The following GLIS3 variants were observed in gnomAD, a reference collection of about 807,000 sequenced individuals.
GLIS3 encodes GLIS family zinc finger 3, also known as zinc finger protein GLIS3.
In GLIS3, 53 loss-of-function variants were observed where a neutral mutation model predicts 78.6. The ratio of observed to expected loss-of-function variants is 0.67; its 90% CI spans 0.54 to 0.85. The LOEUF (loss-of-function observed/expected upper bound fraction) is 0.85. GLIS3 is among the 40% of genes least tolerant of loss of function. The pLI, the probability that GLIS3 is intolerant of heterozygous loss-of-function variation, is 0.00. For missense variants in GLIS3, 1,703 were observed against 1,231.1 expected (o/e 1.38, Z -5.74); for synonymous variants, 684 against 509.9 (o/e 1.34, Z -4.60).
intron 4 of GLIS3, among the ~76,000 whole-genome samples, chr9:3,978,345 A>G (rs902560078): frequency 6.6e-6 from 1 of 152,172 alleles, no homozygotes; most frequent in African/African-American, 2.4e-5. Flanking sequence ...AGAAACTATT[A>G]CTATATTGGT....
At chr9:4,185,468 G>GA (rs970036303) in intron 2 of GLIS3, among the ~76,000 whole-genome samples, 3 of 152,024 alleles carry the variant, frequency 2.0e-5, no homozygotes, top group African/African-American at 4.8e-5. Flanking sequence ...TTTGTAGGGA[G>GA]AAAAAAGTGG....
chr9:4,298,425 A>G (rs1467876637), intron 1 of GLIS3: 2 of 453,642 alleles, frequency 4.4e-6, no homozygotes, highest in Non-Finnish European at 8.9e-6. Flanking sequence ...GCCAGGGCCA[A>G]GATTTCCAGA....
chr9:3,888,924 A>G lies in GLIS3; in HGVS notation c.2129-9329T>C, dbSNP rs529739890. ...AACATCCTTGTTGCTGCTAGAAAAT[A>G]TATTTTGAGGAAGCATGTGACATCC... On this transcript the variant is annotated intron_variant, in intron 7 of 10. Coordinates refer to ENST00000381971, the MANE Select transcript of GLIS3 (RefSeq NM_001042413.2). 2.0e-5 allele frequency among the ~76,000 whole-genome samples: 3 copies of G among 152,310 alleles called. No homozygotes were observed. The South Asian group carries it at 6.2e-4, about 32-fold the overall frequency.
chr9:4,082,304 G>C (rs1828619527), intron 4 of GLIS3, among the ~76,000 whole-genome samples: 1 of 152,036 alleles, frequency 6.6e-6, no homozygotes, highest in African/African-American at 2.4e-5. Context: ...CCAAGATTCA[G>C]GCATAAAAAC....
At chr9:3,989,208 TGCCTATCAGAATA>T (rs1820016059) in intron 4 of GLIS3, among the ~76,000 whole-genome samples, 1 of 152,058 alleles carries the variant, frequency 6.6e-6, no homozygotes, top group African/African-American at 2.4e-5. Context: ...TATTACTACA[TGCCTATCAGAATA>T]GCTAAAAATT....
At chr9:3,843,846 GT>G (rs1818872394) in intron 9 of GLIS3, among the ~76,000 whole-genome samples, 1 of 152,180 alleles carries the variant, frequency 6.6e-6, no homozygotes, top group Non-Finnish European at 1.5e-5. Context: ...GTGAGATGAG[GT>G]TGGGTTTGGT....
chr9:4,105,578 T>C (rs1282726248), intron 4 of GLIS3, among the ~76,000 whole-genome samples: 1 of 152,208 alleles, frequency 6.6e-6, no homozygotes, highest in East Asian at 1.9e-4. Context: ...TACTCTTAAT[T>C]TTAAACTAAA....
chr9:4,482,905 T>C, the GLIS3 span, among the ~76,000 whole-genome samples: 3 of 152,074 alleles, frequency 2.0e-5, no homozygotes, highest in African/African-American at 7.2e-5. Context: ...ATTTGGATGG[T>C]GGAATTTGAA....
In GLIS3 at chr9:4,221,737, C is replaced by T. The variant is rs535429556; in HGVS notation, c.388+64301G>A. Among the ~76,000 whole-genome samples the T allele has an allele frequency of 5.3e-5, 8 of 152,284 alleles. 1 individual carries two copies. The highest frequency in any genetic ancestry group is 1.9e-4 in the African/African-American group (8 of 41,556). On this transcript the variant is annotated intron_variant, in intron 2 of 10. Coordinates refer to ENST00000381971, the MANE Select transcript of GLIS3 (RefSeq NM_001042413.2). ...CATATGGAAACACATTACAAAGGAG[C>T]AGAAATGGTGGAGAAAAGCACCGTG...
intron 4 of GLIS3, chr9:4,054,140 T>C (rs746747870): frequency 1.5e-4 from 24 of 156,142 alleles, no homozygotes; most frequent in Non-Finnish European, 2.1e-4. Context: ...CACAATAGCT[T>C]GGAGAGGTTA....
intron 4 of GLIS3, among the ~76,000 whole-genome samples, chr9:4,049,408 G>C (rs759782740): frequency 2.6e-5 from 4 of 152,142 alleles, no homozygotes; most frequent in Non-Finnish European, 5.9e-5. Context: ...CAAGGACCTT[G>C]CTCCATTAGT....
intron 2 of GLIS3, among the ~76,000 whole-genome samples, chr9:4,220,586 G>T (rs1180860224): frequency 6.6e-6 from 1 of 152,062 alleles, no homozygotes; most frequent in African/African-American, 2.4e-5. Flanking sequence ...AAAGTAAGTG[G>T]CAAGTCTTCA....
intron 10 of GLIS3, 118 bp downstream of exon 10, chr9:3,829,192 A>C (rs993971899): frequency 2.3e-6 from 2 of 851,594 alleles, no homozygotes; most frequent in South Asian, 2.8e-5. Context: ...GGGGTCGTTC[A>C]ACAGGATTTG....
intron 6 of GLIS3, among the ~76,000 whole-genome samples, chr9:3,901,947 T>C (rs532913637): frequency 6.6e-6 from 1 of 152,340 alleles, no homozygotes; most frequent in African/African-American, 2.4e-5. Context: ...AAATATGATC[T>C]GGGGTCCACA....
intron 2 of GLIS3, among the ~76,000 whole-genome samples, chr9:4,283,386 C>T (rs1318934458): frequency 6.6e-6 from 1 of 152,042 alleles, no homozygotes; most frequent in Non-Finnish European, 1.5e-5. Flanking sequence ...CTGCCTCAGC[C>T]TCCCGAGTAG....
At chr9:4,470,472 T>C in the GLIS3 span, among the ~76,000 whole-genome samples, 1 of 152,156 alleles carries the variant, frequency 6.6e-6, no homozygotes, top group Non-Finnish European at 1.5e-5. Context: ...ATAAATGTAA[T>C]CCAGCATATT....
intron 2 of GLIS3, among the ~76,000 whole-genome samples, chr9:4,167,009 G>C (rs144239047): frequency 1.3e-5 from 2 of 152,284 alleles, no homozygotes; most frequent in African/African-American, 4.8e-5. Flanking sequence ...GTCAGGAGAA[G>C]GTGGATATAA....
chr9:4,483,581 G>A, the GLIS3 span, among the ~76,000 whole-genome samples: 1 of 152,082 alleles, frequency 6.6e-6, no homozygotes, highest in Non-Finnish European at 1.5e-5. Context: ...TTAGCTGGGT[G>A]TGGTGGTGCA....
chr9:4,452,550 G>C, the GLIS3 span, among the ~76,000 whole-genome samples: 2 of 152,252 alleles, frequency 1.3e-5, no homozygotes, highest in East Asian at 3.9e-4. Flanking sequence ...GCCAAATCAT[G>C]AGTTACCTTC....
Sources: allele counts gnomAD v4.1 joint callset (sites outside exome capture counted in the v4.1 genomes callset), GRCh38; gene constraint gnomAD v4.1.1; transcripts MANE v1.5; gene names NCBI Gene and HGNC (gene_info 2026-07-23, HGNC 2026-07-21).